The following SGCD variants were observed in gnomAD, a reference collection of about 807,000 sequenced individuals.
The protein encoded by SGCD is delta-sarcoglycan.
In SGCD, 18 loss-of-function variants were observed where a neutral mutation model predicts 36.6. The ratio of observed to expected loss-of-function variants is 0.49; its 90% CI spans 0.34 to 0.73. The LOEUF (loss-of-function observed/expected upper bound fraction) is 0.73, where lower values mean the gene tolerates loss of function less well. SGCD is among the 30% of genes least tolerant of loss of function. The pLI, the probability that SGCD is intolerant of heterozygous loss-of-function variation, is 0.01. For synonymous variants in SGCD, 133 were observed against 130.6 expected, an observed-to-expected ratio of 1.02 and a Z score of -0.12; for missense variants, 387 against 346.7, an observed-to-expected ratio of 1.12 and a Z score of -0.92.
intron 4 of SGCD, among the ~76,000 whole-genome samples, chr5:156,542,105 T>C (rs1758370102): frequency 6.6e-6 from 1 of 152,096 alleles, no homozygotes; most frequent in South Asian, 2.1e-4. Flanking sequence ...TGTTTCAAGA[T>C]GAATTGATCA....
At chr5:156,144,520 G>T (rs1248094762) in intron 3 of SGCD, among the ~76,000 whole-genome samples, 3 of 152,092 alleles carry the variant, frequency 2.0e-5, no homozygotes, top group Non-Finnish European at 4.4e-5. Context: ...GTGTCTTTTG[G>T]CTGCATAAAT....
At chr5:156,493,917 G>C (rs116244606) in intron 3 of SGCD, among the ~76,000 whole-genome samples, 1 of 151,964 alleles carries the variant, frequency 6.6e-6, no homozygotes, top group African/African-American at 2.4e-5. Flanking sequence ...TGCCTCTCAC[G>C]GCCTTCATCC....
chr5:156,299,817 A>T (rs947972206), intron 3 of SGCD, among the ~76,000 whole-genome samples: 1 of 152,122 alleles, frequency 6.6e-6, no homozygotes, highest in Non-Finnish European at 1.5e-5. Flanking sequence ...ATTTGTTATC[A>T]GTTCTAATCT....
intron 3 of SGCD, among the ~76,000 whole-genome samples, chr5:156,282,139 G>C (rs1766470015): frequency 6.6e-6 from 1 of 152,140 alleles, no homozygotes; most frequent in Non-Finnish European, 1.5e-5. Flanking sequence ...CACTGGTGGA[G>C]AGAATATGTT....
At chr5:156,335,737 C>T (rs1580837172) in intron 2 of SGCD, among the ~76,000 whole-genome samples, 1 of 152,152 alleles carries the variant, frequency 6.6e-6, no homozygotes. Context: ...TATGCTGAAA[C>T]CTTGGGGTTC....
the SGCD span, among the ~76,000 whole-genome samples, chr5:155,809,837 T>C: frequency 6.6e-6 from 1 of 152,208 alleles, no homozygotes; most frequent in South Asian, 2.1e-4. Flanking sequence ...TCTTTTTTAA[T>C]ACAAAAAGAC....
At chr5:156,197,847 C>T (rs1189965572) in intron 3 of SGCD, among the ~76,000 whole-genome samples, 2 of 151,842 alleles carry the variant, frequency 1.3e-5, no homozygotes, top group African/African-American at 4.8e-5. Flanking sequence ...TTATGGGGTA[C>T]AATGTGATGT....
chr5:156,244,853 C>T (rs1765401597), intron 3 of SGCD, among the ~76,000 whole-genome samples: 1 of 152,136 alleles, frequency 6.6e-6, no homozygotes, highest in South Asian at 2.1e-4. Context: ...ATACCCATGA[C>T]CCAGATTCAA....
intron 3 of SGCD, among the ~76,000 whole-genome samples, chr5:156,168,188 G>A (rs1763257741): frequency 6.6e-6 from 1 of 152,068 alleles, no homozygotes; most frequent in Non-Finnish European, 1.5e-5. Context: ...AGAATAAATG[G>A]ATACTCTAGG....
chr5:156,650,900 A>G (rs1301031567), intron 7 of SGCD, among the ~76,000 whole-genome samples: 1 of 152,090 alleles, frequency 6.6e-6, no homozygotes, highest in Admixed American at 6.6e-5. Flanking sequence ...TCTTTGAGAC[A>G]TCTCCAAATA....
Position 155,938,769 on chromosome 5 carries a change from T to A in SGCD, c.-282+68345T>A, listed in dbSNP as rs183249040. On this transcript the variant is annotated intron_variant, in intron 1 of 9. Coordinates refer to the SGCD transcript ENST00000517913. ...GTCCTTTACATGTCTATGCACCATG[T>A]CATTTAATCCTACCAGTATACCTGC... 1.2e-4 allele frequency among the ~76,000 whole-genome samples: 18 copies of A among 152,354 alleles called. No homozygotes were observed. The East Asian group carries it at 3.5e-3, about 29-fold the overall frequency.
At chr5:156,666,806 A>C (rs1297778072) in intron 7 of SGCD, among the ~76,000 whole-genome samples, 4 of 152,126 alleles carry the variant, frequency 2.6e-5, no homozygotes, top group African/African-American at 9.7e-5. Flanking sequence ...TTCTTAGCAC[A>C]TAACAAAATG....
intron 3 of SGCD, among the ~76,000 whole-genome samples, chr5:156,309,268 G>A (rs1767323158): frequency 6.6e-6 from 1 of 152,060 alleles, no homozygotes; most frequent in Non-Finnish European, 1.5e-5. Flanking sequence ...AGAAAATGAT[G>A]CATATATTTA....
At chr5:156,695,523 A>AGATAGATAGATAGATG in intron 7 of SGCD, among the ~76,000 whole-genome samples, 1 of 16,082 alleles carries the variant, frequency 6.2e-5, no homozygotes, top group South Asian at 1.7e-3. Flanking sequence ...ATAGATAGAT[A>AGATAGATAGATAGATG]GATAGATAGA....
chr5:156,530,548 A>C (rs1757844138), intron 4 of SGCD, among the ~76,000 whole-genome samples: 1 of 149,130 alleles, frequency 6.7e-6, no homozygotes, highest in Admixed American at 6.7e-5. Context: ...GCCATGCTTT[A>C]TTTCTTTTCT....
chr5:156,608,174 G>T lies in SGCD; in HGVS notation c.502+13123G>T, dbSNP rs192594387. ...TAGATCTTTCCTGCTTTCTCTTGTGGGCATGTAGTGCTATAAATTTCCCTC... is the reference window on the plus strand; with the variant it reads ...TAGATCTTTCCTGCTTTCTCTTGTGTGCATGTAGTGCTATAAATTTCCCTC... On this transcript the variant is annotated intron_variant, in intron 6 of 8. Transcript: ENST00000337851. Among the ~76,000 whole-genome samples, 8 of 152,144 alleles carry T rather than the reference G, an allele frequency of 5.3e-5. No homozygotes were observed. The East Asian group carries it at 1.5e-3, about 29-fold the overall frequency.
intron 4 of SGCD, among the ~76,000 whole-genome samples, chr5:156,539,633 T>C (rs253600): frequency 0.48 from 72,643 of 151,904 alleles, 17,725 homozygotes; most frequent in African/African-American, 0.54. Context: ...TGTATATATA[T>C]CATATTTTCT....
intron 3 of SGCD, among the ~76,000 whole-genome samples, chr5:156,395,505 T>G (rs1771799116): frequency 6.6e-6 from 1 of 152,176 alleles, no homozygotes; most frequent in Admixed American, 6.5e-5. Flanking sequence ...CTCCATGAGT[T>G]GTTTATTGTA....
intron 3 of SGCD, among the ~76,000 whole-genome samples, chr5:156,485,261 C>G (rs1219480620): frequency 6.6e-6 from 1 of 152,132 alleles, no homozygotes; most frequent in Non-Finnish European, 1.5e-5. Context: ...TTCTGACATA[C>G]TCAAGTTGTA....
Sources: gnomAD v4.1 joint callset for allele counts (sites outside exome capture counted in the v4.1 genomes callset) on GRCh38, gnomAD v4.1.1 for gene constraint, MANE v1.5 for transcripts, NCBI Gene and HGNC (gene_info 2026-07-23, HGNC 2026-07-21) for gene names.